NYAP2: variants seen among roughly 807,000 people sequenced by gnomAD.
The protein encoded by NYAP2 is neuronal tyrosine-phosphorylated phosphoinositide-3-kinase adapter 2.
NYAP2 carries 23 observed loss-of-function variants against 50.4 expected under a neutral mutation model. The ratio of observed to expected loss-of-function variants is 0.46; its 90% CI spans 0.33 to 0.65. The LOEUF is 0.65. NYAP2 is among the 30% of genes least tolerant of loss of function. The pLI is 0.02. For missense variants in NYAP2, 885 were observed against 861.0 expected (o/e 1.03, Z -0.35); for synonymous variants, 394 against 365.2 (o/e 1.08, Z -0.90).
chr2:225,655,385 T>C (rs941377487), downstream of NYAP2, among the ~76,000 whole-genome samples: 1 of 152,222 alleles, frequency 6.6e-6, no homozygotes, highest in Non-Finnish European at 1.5e-5. Context: ...TTCCTTGTAA[T>C]GCAGCCACGT....
intron 3 of NYAP2, among the ~76,000 whole-genome samples, chr2:225,450,919 T>C (rs6733365): frequency 0.18 from 27,039 of 152,088 alleles, 5,346 homozygotes; most frequent in African/African-American, 0.49. Context: ...CGGACCTAGG[T>C]TGAATGCTGT....
At chr2:225,570,865 G>A (rs545602497) in intron 4 of NYAP2, among the ~76,000 whole-genome samples, 79 of 152,164 alleles carry the variant, frequency 5.2e-4, no homozygotes, top group Non-Finnish European at 9.7e-4. Context: ...TCTGAGACAA[G>A]GCAAGTCCCT....
Position 225,582,461 on chromosome 2 carries a change from C to T in NYAP2, c.1044C>T (p.Pro348=). The T allele has an allele frequency of 1.3e-6, 2 of 1,562,870 alleles. No individual in the cohort carries two copies. Among genetic ancestry groups the T allele is most frequent in the Non-Finnish European group, 1.7e-6 (2 of 1,149,222 alleles). ...CCCCCGCCCCCGTGCATTGCTCCCC[C>T]AACTCCGACGAGTCCCCGCTTACCC... is the stretch of plus-strand genomic sequence containing the variant. Residue 348 remains proline, a synonymous_variant, in exon 5 of 7, where the codon CCC becomes CCT. Coordinates refer to ENST00000636099, the Ensembl canonical transcript of NYAP2. This position sits in a 1 kb window ranked among gnomAD's most constrained non-coding sequence, Gnocchi z 7.0.
At chr2:225,655,187 T>A (rs1377443996), downstream of NYAP2, among the ~76,000 whole-genome samples, 1 of 152,204 alleles carries the variant, frequency 6.6e-6, no homozygotes, top group Non-Finnish European at 1.5e-5. Flanking sequence ...TGACTGGAAC[T>A]TCAAAATATG....
chr2:225,485,432 G>C (rs1690273898), intron 3 of NYAP2, among the ~76,000 whole-genome samples: 1 of 152,188 alleles, frequency 6.6e-6, no homozygotes. Context: ...TTCTAAGTTA[G>C]GTTTGTGCTC....
intron 2 of NYAP2, among the ~76,000 whole-genome samples, chr2:225,408,293 A>G (rs1694974690): frequency 6.6e-6 from 1 of 152,036 alleles, no homozygotes; most frequent in South Asian, 2.1e-4. Flanking sequence ...AGAAATGAAG[A>G]GTTAAAAAGG....
chr2:225,476,566 C>T (rs1574634229), intron 3 of NYAP2, among the ~76,000 whole-genome samples: 1 of 152,012 alleles, frequency 6.6e-6, no homozygotes, highest in Non-Finnish European at 1.5e-5. Context: ...TATTTTATGA[C>T]ACACTTTTAA....
chr2:225,456,386 G>A (rs1689740011), intron 3 of NYAP2, among the ~76,000 whole-genome samples: 1 of 152,174 alleles, frequency 6.6e-6, no homozygotes, highest in Admixed American at 6.5e-5. Context: ...ACATGAATTT[G>A]CCTTGAATCT....
At chr2:225,634,177 G>A (rs936210166) in intron 6 of NYAP2, among the ~76,000 whole-genome samples, 4 of 152,200 alleles carry the variant, frequency 2.6e-5, no homozygotes, top group Non-Finnish European at 5.9e-5. Flanking sequence ...AATAGTGAGG[G>A]CCAGCAGCCT....
intron 3 of NYAP2, among the ~76,000 whole-genome samples, chr2:225,510,744 G>A (rs6436564): frequency 0.32 from 47,880 of 151,768 alleles, 7,694 homozygotes; most frequent in South Asian, 0.48. Flanking sequence ...CTTGAAGCAT[G>A]CATTGAATTT....
chr2:225,566,587 T>C (rs1691967164), intron 4 of NYAP2, among the ~76,000 whole-genome samples: 1 of 152,266 alleles, frequency 6.6e-6, no homozygotes, highest in African/African-American at 2.4e-5. Context: ...GCATTTTCCA[T>C]GGACACTTTT....
At chr2:225,688,352 A>G in the NYAP2 span, among the ~76,000 whole-genome samples, 3 of 152,154 alleles carry the variant, frequency 2.0e-5, no homozygotes, top group African/African-American at 4.8e-5. Flanking sequence ...TTTCAAAAGC[A>G]CCTTTCCTGA....
intron 3 of NYAP2, among the ~76,000 whole-genome samples, chr2:225,497,288 CTG>C (rs949193784): frequency 9.9e-5 from 15 of 152,284 alleles, no homozygotes; most frequent in African/African-American, 3.6e-4. Context: ...GATCTGCAAC[CTG>C]TTGTGCATAG....
At position 225,614,083 on chromosome 2, in the gene NYAP2, G is replaced by T. The variant is rs192837803; in HGVS notation, c.1619-12834G>T. 3.2e-4 allele frequency among the ~76,000 whole-genome samples: 49 copies of T among 152,226 alleles called. No individual in the cohort carries two copies. The East Asian group carries it at 6.2e-3, about 19-fold the overall frequency. On this transcript the variant is annotated intron_variant, in intron 5 of 6. Coordinates refer to ENST00000636099, the Ensembl canonical transcript of NYAP2. ...CACGATTGTATCTGAGAAAACCAAG[G>T]CTCAGTAAGAGTTGTTTCCTCAGAT...
At chr2:225,663,868 T>G in the NYAP2 span, among the ~76,000 whole-genome samples, 3 of 152,282 alleles carry the variant, frequency 2.0e-5, no homozygotes, top group African/African-American at 7.2e-5. Context: ...GTATCACTTT[T>G]AAATATTCCT....
intron 3 of NYAP2, among the ~76,000 whole-genome samples, chr2:225,429,185 C>T (rs969694660): frequency 1.3e-5 from 2 of 151,650 alleles, no homozygotes; most frequent in Non-Finnish European, 2.9e-5. Context: ...CTGGGGGTGT[C>T]GAGGGGGGAT....
chr2:225,654,688 A>G (rs1401922902), downstream of NYAP2, among the ~76,000 whole-genome samples: 1 of 152,170 alleles, frequency 6.6e-6, no homozygotes. Flanking sequence ...CATCTCAAAA[A>G]AATAAAATAA....
chr2:225,520,878 C>T (rs1574656323), intron 4 of NYAP2, among the ~76,000 whole-genome samples: 1 of 152,226 alleles, frequency 6.6e-6, no homozygotes, highest in Non-Finnish European at 1.5e-5. Context: ...TGGCCATTTT[C>T]ATGGTATTGA....
At chr2:225,543,029 G>A (rs1207384988) in intron 4 of NYAP2, among the ~76,000 whole-genome samples, 1 of 151,900 alleles carries the variant, frequency 6.6e-6, no homozygotes. Flanking sequence ...TTCACTTCTA[G>A]ATTTTCCAAT....
Sources: gnomAD v4.1 joint callset for allele counts (sites outside exome capture counted in the v4.1 genomes callset) on GRCh38, gnomAD v4.1.1 for gene constraint, Gnocchi (gnomAD v3.1) non-coding constraint, MANE v1.5 for transcripts, NCBI Gene and HGNC (gene_info 2026-07-23, HGNC 2026-07-21) for gene names.